Variants in NOTCH2 observed in about 807,000 individuals in gnomAD.
NOTCH2 encodes notch receptor 2, also known as neurogenic locus notch homolog protein 2.
In NOTCH2, 29 loss-of-function variants were observed where a neutral mutation model predicts 235.8. The ratio of observed to expected loss-of-function variants is 0.12; its 90% CI spans 0.09 to 0.17. The LOEUF (loss-of-function observed/expected upper bound fraction) is 0.17. Ranked by LOEUF, NOTCH2 falls within the 10% of genes least tolerant of loss-of-function variation. NOTCH2 has a pLI of 1.00. For missense variants in NOTCH2, 2,285 were observed against 3,150.2 expected, an observed-to-expected ratio of 0.73 and a Z score of 6.57; for synonymous variants, 1,086 against 1,141.5, an observed-to-expected ratio of 0.95 and a Z score of 0.98.
chr1:119,953,471 G>A (rs1315802640), intron 14 of NOTCH2, 72 bp downstream of exon 14: 2 of 1,494,432 alleles, frequency 1.3e-6, no homozygotes, highest in Non-Finnish European at 1.9e-6. Context: ...AGGAAACTAA[G>A]AAGTGAGTCA....
chr1:119,918,177 G>A lies in NOTCH2; in HGVS notation c.5929+229C>T, dbSNP rs587767991. On this transcript the variant is annotated intron_variant, in intron 32 of 33. Coordinates refer to ENST00000256646, the MANE Select transcript of NOTCH2 (RefSeq NM_024408.4). Reference sequence around the variant, plus strand: ...ACATGGGAACACCTTTCATGTATCTGCTCTGAGGTCCAAGAACCCTCATTA... The same window carrying A: ...ACATGGGAACACCTTTCATGTATCTACTCTGAGGTCCAAGAACCCTCATTA... Among the ~76,000 whole-genome samples the A allele has an allele frequency of 2.6e-5, 4 of 152,260 alleles. No individual in the cohort carries two copies. The East Asian group carries it at 7.7e-4, about 29-fold the overall frequency.
intron 16 of NOTCH2, 66 bp from the exon 17 acceptor site, chr1:119,948,632 G>T: frequency 6.3e-7 from 1 of 1,584,168 alleles, no homozygotes; most frequent in African/African-American, 1.3e-5. Flanking sequence ...ATCTACGCAG[G>T]ACCTGAGCTT....
At chr1:119,916,962 A>G (rs1319769984) in intron 33 of NOTCH2, among the ~76,000 whole-genome samples, 2 of 152,246 alleles carry the variant, frequency 1.3e-5, no homozygotes, top group Non-Finnish European at 2.9e-5. Context: ...TTGGGAATTC[A>G]TAAAATAAAG....
At position 119,915,818 on chromosome 1, in the gene NOTCH2, G is replaced by C. The variant is rs764669567; in HGVS notation, c.6904C>G (p.Pro2302Ala). 8 of 1,613,634 alleles carry C rather than the reference G, an allele frequency of 5.0e-6. No individual in the cohort carries two copies. Among genetic ancestry groups the C allele is most frequent in the Non-Finnish European group, 5.9e-6 (7 of 1,179,770 alleles). Residue 2302 changes from proline to alanine, a missense_variant, in exon 34 of 34, where the codon CCC becomes GCC. Pro to Ala is a conservative substitution (Grantham distance 27). Around this residue, in one of 6 missense-constraint regions of NOTCH2, gnomAD observed 504 missense variants for 538.0 expected, o/e 0.94. Coordinates refer to ENST00000256646, the MANE Select transcript of NOTCH2 (RefSeq NM_024408.4). ...KHITTPREPLPPIVTFQLIPK... is the reference protein window; with the variant it reads ...KHITTPREPLAPIVTFQLIPK... ...ATGAGCTGGAAAGTCACAATGGGGG[G>C]CAAGGGCTCCCGAGGGGTGGTTATG...
chr1:120,001,498 G>A (rs1480154428), intron 3 of NOTCH2, among the ~76,000 whole-genome samples: 14 of 152,156 alleles, frequency 9.2e-5, no homozygotes, highest in East Asian at 1.9e-4. Context: ...AAGATGGGCC[G>A]GTGGAAAGCT....
intron 19 of NOTCH2, among the ~76,000 whole-genome samples, chr1:119,939,196 T>C (rs1178491410): frequency 6.6e-6 from 1 of 152,156 alleles, no homozygotes; most frequent in African/African-American, 2.4e-5. Context: ...AAAACAGATT[T>C]TTCCCCCACT....
intron 17 of NOTCH2, among the ~76,000 whole-genome samples, chr1:119,944,607 G>C (rs1455835902): frequency 6.7e-6 from 1 of 150,310 alleles, no homozygotes; most frequent in Non-Finnish European, 1.5e-5. Flanking sequence ...TCAGTGGAAA[G>C]AGGATATCTT....
chr1:119,981,398 G>A (rs587708388), intron 5 of NOTCH2, among the ~76,000 whole-genome samples: 11 of 152,152 alleles, frequency 7.2e-5, no homozygotes, highest in African/African-American at 2.7e-4. Context: ...TTTTCTTTGT[G>A]TCTCTTACAG....
intron 3 of NOTCH2, among the ~76,000 whole-genome samples, chr1:120,000,139 T>C (rs1553205099): frequency 6.6e-6 from 1 of 151,994 alleles, no homozygotes; most frequent in East Asian, 1.9e-4. Context: ...GGAGATGAGC[T>C]AGTAAGCTGA....
chr1:119,937,396 C>A lies in NOTCH2; in HGVS notation c.3408G>T (p.Gln1136His), dbSNP rs1553195866. 2 of 1,614,146 alleles carry A rather than the reference C, an allele frequency of 1.2e-6. No individual in the cohort carries two copies. The change falls in exon 21 of 34, where the codon CAG becomes CAT. Residue 1136 changes from glutamine (Q) to histidine (H), a missense_variant. Physicochemically the swap from Gln to His is conservative, Grantham distance 24. Transcript: ENST00000256646. ...CINAGNTHYC[Q>H]CPLGYTGSYC... ...AGCTCCCAGTATAGCCCAGGGGGCA[C>A]TGACAGTAATGCGTGTTGCCAGCAT...
chr1:119,926,090 T>C (rs1649463251), intron 24 of NOTCH2, among the ~76,000 whole-genome samples: 4 of 152,200 alleles, frequency 2.6e-5, no homozygotes, highest in Admixed American at 2.6e-4. Flanking sequence ...TTCCAAATGG[T>C]TCCTGCTAAA....
At chr1:120,041,041 CAAA>C (rs71586698) in intron 1 of NOTCH2, among the ~76,000 whole-genome samples, 1 of 15,666 alleles carries the variant, frequency 6.4e-5, no homozygotes, top group African/African-American at 2.9e-4. Context: ...ACTCTGCCTG[CAAA>C]AAAAAAAAAA....
intron 5 of NOTCH2, chr1:119,976,434 T>G (rs1255965748): frequency 6.6e-6 from 1 of 150,986 alleles, no homozygotes; most frequent in Non-Finnish European, 1.5e-5. Context: ...GCCTGCCTAC[T>G]GAGAGGATGG....
chr1:120,042,282 A>G (rs1333889152), intron 1 of NOTCH2, among the ~76,000 whole-genome samples: 2 of 86,100 alleles, frequency 2.3e-5, no homozygotes, highest in Non-Finnish European at 4.2e-5. Flanking sequence ...CCATAAGACA[A>G]AAAGAAAATC....
rs1651124886 is a variant in NOTCH2 at position 119,966,116 on chromosome 1, G to A, written c.1567+260C>T. Reference sequence around the variant, plus strand: ...TACAACTAAGGCTTCTGTGAGGTATGAGCATTCTGAAATATATACACAGAC... The same window carrying A: ...TACAACTAAGGCTTCTGTGAGGTATAAGCATTCTGAAATATATACACAGAC... On this transcript the variant is annotated intron_variant, in intron 9 of 33. Transcript: ENST00000256646. Among the ~76,000 whole-genome samples, 3 of 152,302 alleles carry A rather than the reference G, an allele frequency of 2.0e-5. No individual in the cohort carries two copies. In the South Asian group the frequency reaches 6.2e-4, roughly 32 times the overall value.
At chr1:120,041,874 A>G (rs1446525327) in intron 1 of NOTCH2, among the ~76,000 whole-genome samples, 2 of 138,870 alleles carry the variant, frequency 1.4e-5, no homozygotes, top group Admixed American at 7.0e-5. Context: ...GAAAAGAAAA[A>G]AAAGAAAGAA....
At chr1:119,989,048 T>C (rs587719574) in intron 4 of NOTCH2, among the ~76,000 whole-genome samples, 118 of 152,200 alleles carry the variant, frequency 7.8e-4, no homozygotes, top group South Asian at 8.3e-4. Flanking sequence ...GGTAGATAGG[T>C]AGGTAAGAAG....
At chr1:119,917,537 T>A (rs1649129264) in intron 33 of NOTCH2, 128 bp downstream of exon 33, 1 of 756,184 alleles carries the variant, frequency 1.3e-6, no homozygotes, top group Non-Finnish European at 2.4e-6. Flanking sequence ...CGAAACCCAG[T>A]GTCTGCCCAA....
At position 119,912,535 on chromosome 1, in the gene NOTCH2, CTCACA is replaced by C. The variant is rs771212466; in HGVS notation, c.*2766_*2770del. The C allele has an allele frequency of 1.2e-4, 29 of 233,012 alleles. No homozygotes were observed. The highest frequency in any genetic ancestry group is 4.4e-4 in the African/African-American group (20 of 45,402). 14.4% of individuals were successfully genotyped at this position (233,012 alleles called of 1,614,324 possible). ...TCCCTCATACCTTTCCCTTCCCCAC[CTCACA>C]TAAGAAAATGATGCTTAAAACAAAA... On this transcript the variant is annotated 3_prime_UTR_variant, in exon 34 of 34. Coordinates refer to ENST00000256646, the MANE Select transcript of NOTCH2 (RefSeq NM_024408.4).
Sources: gnomAD v4.1 joint callset for allele counts (sites outside exome capture counted in the v4.1 genomes callset) on GRCh38, gnomAD v4.1.1 for gene constraint, gnomAD v4.1.1 regional missense constraint, MANE v1.5 for transcripts, NCBI Gene and HGNC (gene_info 2026-07-23, HGNC 2026-07-21) for gene names.